The following PHRF1 variants were observed in gnomAD, a reference collection of about 807,000 sequenced individuals.
PHRF1 encodes PHD and RING finger domain-containing protein 1.
In PHRF1, 53 loss-of-function variants were observed where a neutral mutation model predicts 128.9. The ratio of observed to expected loss-of-function variants is 0.41; its 90% CI spans 0.33 to 0.52. PHRF1 has a LOEUF of 0.52. Ranked by LOEUF, PHRF1 falls within the 20% of genes least tolerant of loss-of-function variation. The pLI, the probability that PHRF1 is intolerant of heterozygous loss-of-function variation, is 0.21. For synonymous variants in PHRF1, 1,178 were observed against 980.6 expected (o/e 1.20, Z -3.76); for missense variants, 2,503 against 2,284.5 (o/e 1.10, Z -1.95).
At chr11:581,716 A>T in intron 2 of PHRF1, 110 bp downstream of exon 2, 1 of 1,152,730 alleles carries the variant, frequency 8.7e-7, no homozygotes, top group Non-Finnish European at 1.2e-6. Context: ...GTCTAAAAAA[A>T]TTATGCTTTG....
intron 4 of PHRF1, among the ~76,000 whole-genome samples, chr11:589,685 A>T (rs1373499529): frequency 6.6e-6 from 1 of 152,276 alleles, no homozygotes. Context: ...TGAACCTTTG[A>T]AAAGAAAGCA....
intron 10 of PHRF1, among the ~76,000 whole-genome samples, chr11:604,637 C>T (rs1855837563): frequency 6.6e-6 from 1 of 152,168 alleles, no homozygotes; most frequent in Non-Finnish European, 1.5e-5. Flanking sequence ...GCCTCAGCCT[C>T]CTGAGTAGCT....
chr11:583,422 T>G (rs1589859864), intron 3 of PHRF1, among the ~76,000 whole-genome samples: 1 of 150,902 alleles, frequency 6.6e-6, no homozygotes, highest in East Asian at 2.0e-4. Context: ...GAGGCTGAGG[T>G]TGGAGGATCG....
Position 597,630 on chromosome 11 carries a change from A to C in PHRF1, c.894+60A>C. 2 of 1,064,846 alleles carry C rather than the reference A, an allele frequency of 1.9e-6. No homozygotes were observed. Among genetic ancestry groups the C allele is most frequent in the Non-Finnish European group, 2.6e-6 (2 of 756,750 alleles). 66.0% of individuals were successfully genotyped at this position (1,064,846 alleles called of 1,614,324 possible). Reference sequence around the variant, plus strand: ...CCCAGCTGCCCAGAGTGATCTCGGCAGTCTGGGTGGGTGGGAGGGGCGTCG... The same window carrying C: ...CCCAGCTGCCCAGAGTGATCTCGGCCGTCTGGGTGGGTGGGAGGGGCGTCG... On this transcript the variant is annotated intron_variant, in intron 8 of 17. Coordinates refer to ENST00000264555, the MANE Select transcript of PHRF1 (RefSeq NM_001286581.2). This position sits in a 1 kb window ranked among gnomAD's most constrained non-coding sequence, Gnocchi z 6.5.
At position 599,404 on chromosome 11, in the gene PHRF1, C is replaced by T. The variant is rs1855503127; in HGVS notation, c.1024+902C>T. The stretch of plus-strand genomic sequence containing the variant: ...TAGCTGGAATTACAGGCACCCGCCA[C>T]CACACCCACCTAGTTTTTGTATTTT... On this transcript the variant is annotated intron_variant, in intron 9 of 17. Transcript: ENST00000264555. Among the ~76,000 whole-genome samples the T allele has an allele frequency of 2.0e-5, 3 of 151,866 alleles. No homozygotes were observed. In the South Asian group the frequency reaches 6.2e-4, roughly 32 times the overall value.
chr11:587,851 G>A (rs998282828), intron 4 of PHRF1, among the ~76,000 whole-genome samples: 2 of 152,192 alleles, frequency 1.3e-5, no homozygotes, highest in Non-Finnish European at 2.9e-5. Flanking sequence ...ACACCGGTAC[G>A]ATTTGGCATT....
Position 607,929 on chromosome 11 carries a change from C to G in PHRF1, c.2473C>G (p.Leu825Val), listed in dbSNP as rs1856055387. The change falls in exon 14 of 18, where the codon CTG (leucine) becomes GTG (valine). Residue 825 changes from leucine to valine, a missense_variant. By Grantham distance (32) the Leu-to-Val change is conservative. Coordinates refer to ENST00000264555, the MANE Select transcript of PHRF1 (RefSeq NM_001286581.2). ...PLFSIKKTKQ[L>V]RSEVYDPSDP... ...CTTCTCCATCAAGAAGACGAAGCAGCTGCGGAGCGAGGTCTACGACCCATC... is the reference window on the plus strand; with the variant it reads ...CTTCTCCATCAAGAAGACGAAGCAGGTGCGGAGCGAGGTCTACGACCCATC... 6.2e-7 allele frequency: 1 copy of G among 1,612,444 alleles called. No individual in the cohort carries two copies. Among genetic ancestry groups the G allele is most frequent in the Non-Finnish European group, 8.5e-7 (1 of 1,179,886 alleles).
chr11:611,620 A>G lies in PHRF1; in HGVS notation c.4807-14A>G. The G allele has an allele frequency of 6.2e-7, 1 of 1,612,780 alleles. No individual in the cohort carries two copies. Among genetic ancestry groups the G allele is most frequent in the Non-Finnish European group, 8.5e-7 (1 of 1,179,790 alleles). On this transcript the variant is annotated splice_polypyrimidine_tract_variant and intron_variant, in intron 17 of 17. Transcript: ENST00000264555. The stretch of plus-strand genomic sequence containing the variant: ...ATGTGAAAGGGCATTTGGTGATTGC[A>G]CCTCTTTCTCCAGATCTGCCACAGC...
intron 6 of PHRF1, among the ~76,000 whole-genome samples, chr11:593,913 C>T (rs1855130634): frequency 2.6e-5 from 4 of 152,308 alleles, no homozygotes; most frequent in South Asian, 2.1e-4. Context: ...TCTGCCCTGA[C>T]GGTCCTCACC....
At chr11:600,672 A>G (rs1434134936) in intron 9 of PHRF1, among the ~76,000 whole-genome samples, 1 of 151,362 alleles carries the variant, frequency 6.6e-6, no homozygotes, top group African/African-American at 2.4e-5. Flanking sequence ...CTCTATTAAA[A>G]ATACAAAAAT....
intron 14 of PHRF1, 23 bp from the exon 15 acceptor site, chr11:610,173 C>T (rs768422794): frequency 3.4e-6 from 5 of 1,484,788 alleles, no homozygotes. Context: ...GAGCACCCAC[C>T]TCCCTGTCTG....
Position 607,221 on chromosome 11 carries a change from T to TCCCGCACCCCCG in PHRF1, c.1774_1785dup (p.Pro592_Thr595dup), listed in dbSNP as rs760347048. The stretch of plus-strand genomic sequence containing the variant: ...CACAGGGCTCAGCTGTCAAGGCAGG[T>TCCCGCACCCCCG]CCCGCACCCCCGCCCGCACCGCGGG... On this transcript the variant is annotated inframe_insertion, in exon 14 of 18. Transcript: ENST00000264555. 32 of 1,612,072 alleles carry TCCCGCACCCCCG rather than the reference T, an allele frequency of 2.0e-5. No individual in the cohort carries two copies. Among genetic ancestry groups the TCCCGCACCCCCG allele is most frequent in the Non-Finnish European group, 2.6e-5 (31 of 1,179,698 alleles).
In PHRF1 at chr11:605,206, C is replaced by T; in HGVS notation, c.1240C>T (p.Pro414Ser). ...CAGCTGCATCCCGTCAGTGTTGAAGCCAGTGGAGCCCTCTTTGGGGCTGCT... is the reference window on the plus strand; with the variant it reads ...CAGCTGCATCCCGTCAGTGTTGAAGTCAGTGGAGCCCTCTTTGGGGCTGCT... ...HSSCIPSVLK[P>S]VEPSLGLLRA... The change falls in exon 11 of 18, where the codon CCA becomes TCA. Residue 414 changes from proline (P) to serine (S), a missense_variant. Coordinates refer to ENST00000264555, the MANE Select transcript of PHRF1 (RefSeq NM_001286581.2). 6 of 1,613,562 alleles carry T rather than the reference C, an allele frequency of 3.7e-6. No homozygotes were observed. Among genetic ancestry groups the T allele is most frequent in the South Asian group, 1.1e-5 (1 of 91,088 alleles).
intron 6 of PHRF1, among the ~76,000 whole-genome samples, chr11:592,993 G>A (rs1009937830): frequency 9.2e-5 from 14 of 152,222 alleles, no homozygotes; most frequent in Non-Finnish European, 1.6e-4. Flanking sequence ...CGGCCTTTGT[G>A]GGGGAGGGGT....
At chr11:583,147 TG>T (rs1387571923) in intron 3 of PHRF1, among the ~76,000 whole-genome samples, 1 of 151,488 alleles carries the variant, frequency 6.6e-6, no homozygotes, top group East Asian at 2.0e-4. Context: ...GAGACCATTG[TG>T]GCTAACATGG....
intron 4 of PHRF1, among the ~76,000 whole-genome samples, chr11:589,539 G>T (rs945913834): frequency 1.7e-4 from 26 of 150,986 alleles, no homozygotes; most frequent in African/African-American, 6.3e-4. Flanking sequence ...AGTCCCAGGG[G>T]TTTTGCAGGG....
At chr11:582,264 C>CTTTTT (rs71022934) in intron 3 of PHRF1, among the ~76,000 whole-genome samples, 183 bp downstream of exon 3, 1 of 120,684 alleles carries the variant, frequency 8.3e-6, no homozygotes, top group Non-Finnish European at 1.8e-5. Context: ...TACTTCATTT[C>CTTTTT]TTTTTTTTTT....
Position 581,623 on chromosome 11 carries a change from C to T in PHRF1, c.94+17C>T, listed in dbSNP as rs188752500. 2.2e-4 allele frequency: 348 copies of T among 1,596,822 alleles called. No individual in the cohort carries two copies. In the East Asian group the frequency reaches 4.8e-3, roughly 22 times the overall value. ...GTGACTTTGGTGAGCTGCCTAGCGC[C>T]GGGTAGGGGCGTCCCCAGGAGGAGC... On this transcript the variant is annotated intron_variant, in intron 2 of 17. Transcript: ENST00000264555.
Position 597,328 on chromosome 11 carries a change from G to A in PHRF1, c.719-67G>A, listed in dbSNP as rs1855347256. The stretch of plus-strand genomic sequence containing the variant: ...GGCTGCTACTTGGCCGGCAGCCACA[G>A]GGGGAGCCGTTGGGGGAGGCGTGTG... On this transcript the variant is annotated intron_variant, in intron 7 of 17. Transcript: ENST00000264555. This position sits in a 1 kb window ranked among gnomAD's most constrained non-coding sequence, Gnocchi z 6.5. The A allele has an allele frequency of 6.5e-7, 1 of 1,547,548 alleles. No homozygotes were observed. The highest frequency in any genetic ancestry group is 8.7e-7 in the Non-Finnish European group (1 of 1,143,682).
Sources: allele counts gnomAD v4.1 joint callset (sites outside exome capture counted in the v4.1 genomes callset), GRCh38; gene constraint gnomAD v4.1.1; non-coding constraint Gnocchi (gnomAD v3.1); transcripts MANE v1.5; gene names NCBI Gene and HGNC (gene_info 2026-07-23, HGNC 2026-07-21).